HORMAD2: variants seen among roughly 807,000 people sequenced by gnomAD.
The protein encoded by HORMAD2 is HORMA domain containing 2.
A neutral mutation model predicts 38.8 loss-of-function variants in HORMAD2; 45 were observed. The ratio of observed to expected loss-of-function variants is 1.16; its 90% confidence interval spans 0.91 to 1.49. HORMAD2 has a LOEUF of 1.49. Among genes scored for constraint, HORMAD2 ranks in the 40% most tolerant of loss-of-function variants. HORMAD2 has a pLI of 0.00. For missense variants in HORMAD2, 338 were observed against 367.0 expected (o/e 0.92, Z 0.65); for synonymous variants, 126 against 122.8 (o/e 1.03, Z -0.17).
In HORMAD2 at chr22:30,098,831, TCACCTCCG is replaced by T; in HGVS notation, c.52-20_52-13del. 3 of 1,601,702 alleles carry T rather than the reference TCACCTCCG, an allele frequency of 1.9e-6. No homozygotes were observed. Among genetic ancestry groups the T allele is most frequent in the Admixed American group, 1.7e-5 (1 of 58,194 alleles). On this transcript the variant is annotated splice_polypyrimidine_tract_variant and intron_variant, in intron 2 of 10. Coordinates refer to ENST00000336726, the MANE Select transcript of HORMAD2 (RefSeq NM_152510.4). ...TATATTAAATAATACTAATCTTTTTTCACCTCCGTTGTTTTTCCAGGAAACAGTTTTCC... is the reference window on the plus strand; with the variant it reads ...TATATTAAATAATACTAATCTTTTTTTTGTTTTTCCAGGAAACAGTTTTCC...
In HORMAD2 at chr22:30,114,778, A is replaced by G. The variant is rs544892861; in HGVS notation, c.342+2256A>G. ...TGTGTGTCCCTAGTTCAGAAGGCCA[A>G]CTGAGTTTTCAGCATTCTACAAAGT... On this transcript the variant is annotated intron_variant, in intron 7 of 10. Transcript: ENST00000336726. Among the ~76,000 whole-genome samples the G allele has an allele frequency of 1.8e-4, 27 of 152,340 alleles. No individual in the cohort carries two copies. In the East Asian group the frequency reaches 4.8e-3, roughly 27 times the overall value.
At chr22:30,168,525 A>T (rs1406837264) in intron 10 of HORMAD2, among the ~76,000 whole-genome samples, 1 of 152,064 alleles carries the variant, frequency 6.6e-6, no homozygotes, top group Non-Finnish European at 1.5e-5. Context: ...TTGTTTCTTC[A>T]TCCATCCTCC....
intron 6 of HORMAD2, 100 bp from the exon 7 acceptor site, chr22:30,112,396 C>T: frequency 1.5e-6 from 1 of 649,070 alleles, no homozygotes. Context: ...CTGTACTCAA[C>T]TAATAGAACA....
chr22:30,147,319 C>A (rs556385291), intron 10 of HORMAD2, among the ~76,000 whole-genome samples: 79 of 151,930 alleles, frequency 5.2e-4, no homozygotes, highest in Non-Finnish European at 5.6e-4. Context: ...CAGAAGTAGA[C>A]CCACACGTAT....
chr22:30,192,633 G>A, the HORMAD2 span, among the ~76,000 whole-genome samples: 1 of 152,166 alleles, frequency 6.6e-6, no homozygotes, highest in South Asian at 2.1e-4. Context: ...TTACTAGACT[G>A]GTAAACTACA....
At chr22:30,197,390 C>G in the HORMAD2 span, among the ~76,000 whole-genome samples, 1 of 152,104 alleles carries the variant, frequency 6.6e-6, no homozygotes, top group Non-Finnish European at 1.5e-5. Context: ...TCAGATTAAC[C>G]AGCATGAGCA....
rs1569102362 is a variant in HORMAD2 at position 30,129,255 on chromosome 22, A to AAG, written c.819+7053_819+7054dup. On this transcript the variant is annotated intron_variant, in intron 10 of 10. Transcript: ENST00000336726. ...AAAAAAAAAAAAAAAAAAAAAAAAA[A>AAG]AGAGAGAGAGAGAATAAATAATGCC... Among the ~76,000 whole-genome samples the AAG allele has an allele frequency of 9.0e-3, 436 of 48,416 alleles. 1 individual carries two copies. The highest frequency in any genetic ancestry group is 0.022 in the African/African-American group (197 of 8,968). 31.8% of individuals were successfully genotyped at this position (48,416 alleles called of 152,430 possible). A position where few individuals can be genotyped will look rare whatever the true frequency, so the allele number is the denominator to read the frequency against.
the HORMAD2 span, among the ~76,000 whole-genome samples, chr22:30,186,113 C>T: frequency 6.6e-6 from 1 of 151,990 alleles, no homozygotes; most frequent in East Asian, 1.9e-4. Context: ...CCTGCTGCTC[C>T]CCCAACCTCC....
chr22:30,123,940 G>A (rs1033431985), intron 10 of HORMAD2, among the ~76,000 whole-genome samples: 3 of 151,472 alleles, frequency 2.0e-5, no homozygotes, highest in Non-Finnish European at 4.4e-5. Flanking sequence ...AAAGTGCTAG[G>A]ATTACACCAC....
At chr22:30,089,610 C>G (rs538222304) in intron 1 of HORMAD2, among the ~76,000 whole-genome samples, 2 of 152,298 alleles carry the variant, frequency 1.3e-5, no homozygotes, top group South Asian at 4.1e-4. Flanking sequence ...CTTGGCCTCC[C>G]AAAGTCCTGG....
chr22:30,128,670 C>A (rs1342568911), intron 10 of HORMAD2, among the ~76,000 whole-genome samples: 1 of 152,178 alleles, frequency 6.6e-6, no homozygotes, highest in African/African-American at 2.4e-5. Context: ...AAGCTGCCAG[C>A]TTCTCCACCT....
intron 10 of HORMAD2, among the ~76,000 whole-genome samples, chr22:30,127,148 C>T (rs1219814465): frequency 7.0e-6 from 1 of 142,892 alleles, no homozygotes; most frequent in African/African-American, 2.6e-5. Flanking sequence ...TGAATATCTT[C>T]TTCAACCTTA....
At chr22:30,159,970 C>T (rs1181662455) in intron 10 of HORMAD2, among the ~76,000 whole-genome samples, 1 of 152,118 alleles carries the variant, frequency 6.6e-6, no homozygotes, top group Non-Finnish European at 1.5e-5. Flanking sequence ...TGAAAAGAAG[C>T]TTGTCAGACA....
intron 10 of HORMAD2, among the ~76,000 whole-genome samples, chr22:30,146,675 C>A (rs753305569): frequency 2.0e-5 from 3 of 152,094 alleles, no homozygotes; most frequent in Non-Finnish European, 2.9e-5. Flanking sequence ...TAGTCAACAT[C>A]ATACTAGAGG....
intron 10 of HORMAD2, among the ~76,000 whole-genome samples, chr22:30,140,592 G>A (rs1924007701): frequency 1.3e-5 from 2 of 152,032 alleles, no homozygotes; most frequent in African/African-American, 4.8e-5. Flanking sequence ...ATAGTATTCT[G>A]TTATAATGCT....
intron 10 of HORMAD2, among the ~76,000 whole-genome samples, chr22:30,141,015 A>C (rs1028270189): frequency 1.3e-5 from 2 of 151,658 alleles, no homozygotes; most frequent in African/African-American, 4.8e-5. Flanking sequence ...TTTTTTTGAC[A>C]CAGTATCTCT....
intron 10 of HORMAD2, among the ~76,000 whole-genome samples, chr22:30,170,712 C>T (rs543571310): frequency 8.5e-5 from 13 of 152,268 alleles, no homozygotes; most frequent in African/African-American, 2.2e-4. Context: ...GCTGCTCTTC[C>T]TTCAATACCC....
At chr22:30,189,115 A>AG in the HORMAD2 span, among the ~76,000 whole-genome samples, 1 of 152,184 alleles carries the variant, frequency 6.6e-6, no homozygotes, top group East Asian at 1.9e-4. Context: ...AAAAAAAAAA[A>AG]AAGTTTTTTT....
At chr22:30,197,061 C>T in the HORMAD2 span, among the ~76,000 whole-genome samples, 1 of 152,174 alleles carries the variant, frequency 6.6e-6, no homozygotes, top group African/African-American at 2.4e-5. Flanking sequence ...CAGCAGCAGC[C>T]TCCCAGTTTC....
Sources: gnomAD v4.1 joint callset for allele counts (sites outside exome capture counted in the v4.1 genomes callset) on GRCh38, gnomAD v4.1.1 for gene constraint, MANE v1.5 for transcripts, NCBI Gene and HGNC (gene_info 2026-07-23, HGNC 2026-07-21) for gene names.